GALNT2: variants seen among roughly 807,000 people sequenced by gnomAD.
GALNT2 encodes the protein UDP-GalNAc:polypeptide N-acetylgalactosaminyltransferase 2.
In GALNT2, 31 loss-of-function variants were observed where a neutral mutation model predicts 81.4. The observed-to-expected ratio is 0.38, with a 90% CI of 0.29 to 0.51. The LOEUF (loss-of-function observed/expected upper bound fraction) is 0.51, where lower values mean the gene tolerates loss of function less well. GALNT2 is among the 20% of genes least tolerant of loss of function. The probability of loss-of-function intolerance (pLI) is 0.87; values close to 1 mark genes in which losing one functional copy is unlikely to be tolerated. For missense variants in GALNT2, 629 were observed against 765.7 expected (o/e 0.82, Z 2.11); for synonymous variants, 303 against 287.4 (o/e 1.05, Z -0.55).
At position 230,250,542 on chromosome 1, in the gene GALNT2, T is replaced by TG. The variant is rs748026098; in HGVS notation, c.995dup (p.Gly333ArgfsTer59). On this transcript the variant is annotated frameshift_variant, in exon 10 of 16. Coordinates refer to ENST00000366672, the MANE Select transcript of GALNT2 (RefSeq NM_004481.5). LOFTEE classifies it high-confidence loss of function. ...GAAGTACGACATGATGATGGATGTG[T>TG]GGGGAGGAGAGAACCTAGGTATGTA... 6.2e-7 allele frequency: 1 copy of TG among 1,612,484 alleles called. No individual in the cohort carries two copies.
chr1:230,183,626 G>A lies in GALNT2; in HGVS notation c.220+5315G>A, dbSNP rs541221809. 1.7e-4 allele frequency among the ~76,000 whole-genome samples: 26 copies of A among 152,232 alleles called. No individual in the cohort carries two copies. In the South Asian group the frequency reaches 5.4e-3, roughly 32 times the overall value. On this transcript the variant is annotated intron_variant, in intron 2 of 15. Coordinates refer to ENST00000366672, the MANE Select transcript of GALNT2 (RefSeq NM_004481.5). ...ATAATATATAAAAGAATACATGATGGAATATATTGTTGCTATTATTATTTC... is the reference window on the plus strand; with the variant it reads ...ATAATATATAAAAGAATACATGATGAAATATATTGTTGCTATTATTATTTC...
intron 1 of GALNT2, among the ~76,000 whole-genome samples, chr1:230,171,576 T>A (rs2102857516): frequency 6.6e-6 from 1 of 152,344 alleles, no homozygotes; most frequent in South Asian, 2.1e-4. Flanking sequence ...AGTGACAACA[T>A]ATATTTCAGC....
Position 230,236,435 on chromosome 1 carries a change from T to A in GALNT2, c.541+15T>A, listed in dbSNP as rs1665034051. On this transcript the variant is annotated intron_variant, in intron 5 of 15. Coordinates refer to ENST00000366672, the MANE Select transcript of GALNT2 (RefSeq NM_004481.5). ...CAGCAATGATCGTGAGTACTGACACTGATTTTATCCCTGTGTCTGGCTCTT... is the reference window on the plus strand; with the variant it reads ...CAGCAATGATCGTGAGTACTGACACAGATTTTATCCCTGTGTCTGGCTCTT... 1 of 1,610,238 alleles carries A rather than the reference T, an allele frequency of 6.2e-7. No individual in the cohort carries two copies.
chr1:230,166,333 G>A (rs72651050), intron 1 of GALNT2, among the ~76,000 whole-genome samples: 7 of 152,324 alleles, frequency 4.6e-5, no homozygotes, highest in East Asian at 3.9e-4. Context: ...TCCCCGCAGC[G>A]TCACTCATGA....
chr1:230,274,473 T>C lies in GALNT2; in HGVS notation c.1469T>C (p.Val490Ala), dbSNP rs763053572. The change falls in exon 15 of 16, where the codon GTG (valine) becomes GCG (alanine). Residue 490 changes from valine to alanine, a missense_variant. By Grantham distance (64) the Val-to-Ala change is moderately conservative. Transcript: ENST00000366672. ...TGGGCCTTGACGAAGGAGAAGTCGG[T>C]GAAGCACATGGATTTGTGCCTTACT... The part of the protein sequence containing the change: ...QEWALTKEKS[V>A]KHMDLCLTVV... The C allele has an allele frequency of 3.1e-6, 5 of 1,613,698 alleles. No individual in the cohort carries two copies. Among genetic ancestry groups the C allele is most frequent in the Non-Finnish European group, 4.2e-6 (5 of 1,179,790 alleles).
intron 1 of GALNT2, among the ~76,000 whole-genome samples, chr1:230,129,394 T>G (rs981339921): frequency 1.3e-5 from 2 of 152,214 alleles, no homozygotes; most frequent in Admixed American, 1.3e-4. Context: ...CGTAGCACCC[T>G]GAGGCTTCAA....
In GALNT2 at chr1:230,070,172, A is replaced by G. The variant is rs562547728; in HGVS notation, c.126+2766A>G. Among the ~76,000 whole-genome samples the G allele has an allele frequency of 6.6e-6, 1 of 152,248 alleles. No homozygotes were observed. The highest frequency in any genetic ancestry group is 1.5e-5 in the Non-Finnish European group (1 of 68,044). ...AACTCGGGACTCAACACCCAGGCTC[A>G]GGACATGTATGTTAAAGCAGTTTAT... On this transcript the variant is annotated intron_variant, in intron 1 of 15. Transcript: ENST00000366672. The surrounding 1 kb of genome is among the most constrained non-coding windows in gnomAD (Gnocchi z 4.7).
At chr1:230,109,059 C>T (rs1200496537) in intron 1 of GALNT2, among the ~76,000 whole-genome samples, 2 of 152,222 alleles carry the variant, frequency 1.3e-5, no homozygotes, top group African/African-American at 4.8e-5. Flanking sequence ...TCTAGATGGA[C>T]TATCCTACTC....
At position 230,076,916 on chromosome 1, in the gene GALNT2, T is replaced by C. The variant is rs80343667; in HGVS notation, c.126+9510T>C. On this transcript the variant is annotated intron_variant, in intron 1 of 15. Transcript: ENST00000366672. ...TCTTCCTCTCTGCGTCAGAGACCAG[T>C]CCAGGGAGTGAACTCTTTTCTTTCT... is the stretch of plus-strand genomic sequence containing the variant. 3.4e-3 allele frequency among the ~76,000 whole-genome samples: 513 copies of C among 152,256 alleles called. 3 individuals are homozygous for C. The highest frequency in any genetic ancestry group is 0.026 in the East Asian group (134 of 5,174).
chr1:230,194,969 A>G (rs1359453186), intron 2 of GALNT2, among the ~76,000 whole-genome samples: 3 of 152,218 alleles, frequency 2.0e-5, no homozygotes, highest in African/African-American at 7.2e-5. Context: ...GGGGAGAAGA[A>G]GTGGAGCCTG....
At chr1:230,137,296 T>C (rs1661579611) in intron 1 of GALNT2, among the ~76,000 whole-genome samples, 1 of 152,242 alleles carries the variant, frequency 6.6e-6, no homozygotes, top group Non-Finnish European at 1.5e-5. Flanking sequence ...GGGTTGGTTC[T>C]GTGTGACAGC....
intron 1 of GALNT2, among the ~76,000 whole-genome samples, chr1:230,159,742 A>G (rs1662372458): frequency 6.6e-6 from 1 of 152,192 alleles, no homozygotes; most frequent in Admixed American, 6.5e-5. Flanking sequence ...GGTCAGCTTG[A>G]GGGAGAAGAT....
At chr1:230,112,713 A>G (rs935447183) in intron 1 of GALNT2, among the ~76,000 whole-genome samples, 3 of 135,186 alleles carry the variant, frequency 2.2e-5, no homozygotes, top group Non-Finnish European at 3.1e-5. Context: ...GAGGAAGCGC[A>G]GTTGTGCTGC....
At position 230,153,595 on chromosome 1, in the gene GALNT2, C is replaced by T. The variant is rs1167861546; in HGVS notation, c.127-24623C>T. Among the ~76,000 whole-genome samples, 3 of 152,218 alleles carry T rather than the reference C, an allele frequency of 2.0e-5. No homozygotes were observed. The South Asian group carries it at 6.2e-4, about 31-fold the overall frequency. ...TTAATTCATCGAGAACATCTGAGGACGCCTTCCAGATTCACCAATCATCAG... is the reference window on the plus strand; with the variant it reads ...TTAATTCATCGAGAACATCTGAGGATGCCTTCCAGATTCACCAATCATCAG... On this transcript the variant is annotated intron_variant, in intron 1 of 15. Transcript: ENST00000366672.
intron 3 of GALNT2, among the ~76,000 whole-genome samples, chr1:230,224,608 A>G (rs560925583): frequency 6.6e-6 from 1 of 152,352 alleles, no homozygotes; most frequent in African/African-American, 2.4e-5. Flanking sequence ...TTCAAGGGGA[A>G]ACCTAATGTT....
intron 2 of GALNT2, among the ~76,000 whole-genome samples, chr1:230,184,219 C>T (rs1163305546): frequency 4.1e-5 from 6 of 147,898 alleles, no homozygotes; most frequent in Non-Finnish European, 8.9e-5. Context: ...GACAGAGTCT[C>T]GCTCTATTAC....
At chr1:230,199,835 G>A (rs963206553) in intron 2 of GALNT2, among the ~76,000 whole-genome samples, 9 of 152,080 alleles carry the variant, frequency 5.9e-5, no homozygotes, top group African/African-American at 2.2e-4. Context: ...GTAGTCTTTG[G>A]GTGCTGAAGA....
At chr1:230,107,833 A>C (rs1660587444) in intron 1 of GALNT2, among the ~76,000 whole-genome samples, 1 of 152,180 alleles carries the variant, frequency 6.6e-6, no homozygotes, top group South Asian at 2.1e-4. Context: ...GGGACTGCTA[A>C]GACTTGGGGT....
At chr1:230,088,231 A>G (rs953137791) in intron 1 of GALNT2, among the ~76,000 whole-genome samples, 1 of 152,204 alleles carries the variant, frequency 6.6e-6, no homozygotes, top group South Asian at 2.1e-4. Flanking sequence ...GGAACTCTGT[A>G]TCCATTAAAC....
Sources: gnomAD v4.1 joint callset for allele counts (sites outside exome capture counted in the v4.1 genomes callset) on GRCh38, gnomAD v4.1.1 for gene constraint, Gnocchi (gnomAD v3.1) non-coding constraint, MANE v1.5 for transcripts, NCBI Gene and HGNC (gene_info 2026-07-23, HGNC 2026-07-21) for gene names.